ZFHX3: variants seen among roughly 807,000 people sequenced by gnomAD.
ZFHX3 encodes zinc finger homeobox 3, also known as zinc finger homeobox protein 3.
A neutral mutation model predicts 279.1 loss-of-function variants in ZFHX3; 42 were observed. The observed-to-expected ratio is 0.15, with a 90% CI of 0.12 to 0.19. ZFHX3 has a LOEUF of 0.19. ZFHX3 is among the 10% of genes least tolerant of loss of function. The pLI is 1.00. For synonymous variants in ZFHX3, 2,293 were observed against 1,957.8 expected (o/e 1.17, Z -4.52); for missense variants, 4,981 against 4,754.0 (o/e 1.05, Z -1.40).
At chr16:73,415,052 A>G (rs1177019098) in intron 3 of ZFHX3, among the ~76,000 whole-genome samples, 2 of 152,190 alleles carry the variant, frequency 1.3e-5, no homozygotes, top group Non-Finnish European at 2.9e-5. Context: ...GTCTAGCCCA[A>G]TCCAGCATTC....
intron 5 of ZFHX3, among the ~76,000 whole-genome samples, chr16:73,241,932 C>A (rs2013137171): frequency 6.6e-6 from 1 of 152,026 alleles, no homozygotes; most frequent in Non-Finnish European, 1.5e-5. Flanking sequence ...TGAGTGACCC[C>A]TTTGAGAACT....
rs139409870 is a variant in ZFHX3 at position 72,887,931 on chromosome 16, C to T, written c.3448+1800G>A. ...ATCGGGCTGGTGTGTGTGCCGTCTG[C>T]GTGAGTCTGTGGTTGGGGTATGGGT... On this transcript the variant is annotated intron_variant, in intron 4 of 9. Coordinates refer to ENST00000268489, the MANE Select transcript of ZFHX3 (RefSeq NM_006885.4). 1.8e-3 allele frequency among the ~76,000 whole-genome samples: 278 copies of T among 151,944 alleles called. 2 individuals are homozygous for T. The South Asian group carries it at 0.022, about 12-fold the overall frequency.
chr16:73,387,755 AAT>A (rs1314726749), intron 3 of ZFHX3, among the ~76,000 whole-genome samples: 3 of 152,040 alleles, frequency 2.0e-5, no homozygotes, highest in Non-Finnish European at 4.4e-5. Flanking sequence ...ATAGTAATAT[AAT>A]ATATCTTTAT....
At chr16:72,877,438 C>A (rs1230517252) in intron 4 of ZFHX3, among the ~76,000 whole-genome samples, 1 of 152,136 alleles carries the variant, frequency 6.6e-6, no homozygotes, top group East Asian at 1.9e-4. Flanking sequence ...ACATCACGGT[C>A]TTCTGTATGA....
rs576572026 is a variant in ZFHX3 at position 72,784,785 on chromosome 16, C to T, written c.*2379G>A. 2 of 152,306 alleles carry T rather than the reference C, an allele frequency of 1.3e-5. No homozygotes were observed. Among genetic ancestry groups the T allele is most frequent in the African/African-American group, 4.8e-5 (2 of 41,410 alleles). The allele number at this position is 152,306 out of a possible 1,614,324, so 9.4% of individuals were successfully genotyped here. ...TGGTATTCTTTCTTTAGTATTTCTA[C>T]TTAAAAAAAACAATTAAAAAAGGAA... is the stretch of plus-strand genomic sequence containing the variant. On this transcript the variant is annotated 3_prime_UTR_variant, in exon 10 of 10. Transcript: ENST00000268489.
At chr16:73,803,753 C>T (rs1203198854) in intron 1 of ZFHX3, among the ~76,000 whole-genome samples, 1 of 152,086 alleles carries the variant, frequency 6.6e-6, no homozygotes, top group Non-Finnish European at 1.5e-5. Context: ...TTTTTAAAAG[C>T]ACATTTCAGA....
chr16:72,821,369 C>T (rs1038692058), intron 5 of ZFHX3, among the ~76,000 whole-genome samples: 1 of 152,170 alleles, frequency 6.6e-6, no homozygotes, highest in Non-Finnish European at 1.5e-5. Flanking sequence ...TTGTACAGTA[C>T]AGAGAGATAG....
intron 1 of ZFHX3, among the ~76,000 whole-genome samples, chr16:73,791,483 G>A (rs569240486): frequency 7.1e-4 from 108 of 151,930 alleles, no homozygotes; most frequent in Non-Finnish European, 1.1e-3. Flanking sequence ...GGAGTGCAGC[G>A]GCGCCATCTT....
intron 2 of ZFHX3, among the ~76,000 whole-genome samples, chr16:73,653,213 T>C (rs527849363): frequency 1.3e-5 from 2 of 152,248 alleles, no homozygotes; most frequent in East Asian, 1.9e-4. Flanking sequence ...ATAAAGAAGA[T>C]TTAAATAACA....
At chr16:73,599,674 T>C (rs961755943) in intron 2 of ZFHX3, among the ~76,000 whole-genome samples, 23 of 151,744 alleles carry the variant, frequency 1.5e-4, no homozygotes, top group African/African-American at 4.1e-4. Context: ...TGGCAGCTGA[T>C]TGAGAACTAT....
intron 2 of ZFHX3, among the ~76,000 whole-genome samples, chr16:72,956,343 C>T (rs1239846826): frequency 6.6e-6 from 1 of 152,224 alleles, no homozygotes; most frequent in South Asian, 2.1e-4. Context: ...GCCATTGTCA[C>T]TGGTCCCACG....
intron 5 of ZFHX3, among the ~76,000 whole-genome samples, chr16:73,166,027 C>T (rs1273142584): frequency 6.6e-6 from 1 of 152,080 alleles, no homozygotes; most frequent in East Asian, 1.9e-4. Context: ...AACTGAGAAA[C>T]AAGAATACTC....
chr16:72,934,449 C>G (rs1356655429), intron 3 of ZFHX3, among the ~76,000 whole-genome samples: 1 of 152,086 alleles, frequency 6.6e-6, no homozygotes, highest in East Asian at 1.9e-4. Context: ...AGAGTAGTAT[C>G]CACAAGTATG....
At chr16:73,833,255 TG>T (rs1961047977) in intron 1 of ZFHX3, among the ~76,000 whole-genome samples, 1 of 152,090 alleles carries the variant, frequency 6.6e-6, no homozygotes, top group Non-Finnish European at 1.5e-5. Context: ...CTTACCTACT[TG>T]GGAGGCTGAG....
At chr16:72,912,217 G>A (rs2039336863) in intron 3 of ZFHX3, among the ~76,000 whole-genome samples, 1 of 152,212 alleles carries the variant, frequency 6.6e-6, no homozygotes, top group South Asian at 2.1e-4. Flanking sequence ...CTGCTCAGGT[G>A]CCGCTGGGAG....
At chr16:73,601,750 A>G (rs922124379) in intron 2 of ZFHX3, among the ~76,000 whole-genome samples, 1 of 152,198 alleles carries the variant, frequency 6.6e-6, no homozygotes, top group Non-Finnish European at 1.5e-5. Flanking sequence ...GTGAACTTTA[A>G]TATTTTAAAA....
intron 4 of ZFHX3, among the ~76,000 whole-genome samples, chr16:73,287,267 G>C (rs1297188368): frequency 1.2e-4 from 18 of 146,848 alleles, no homozygotes; most frequent in Non-Finnish European, 1.4e-4. Flanking sequence ...GTGTAGGCCA[G>C]TGTGTGGGTG....
At chr16:73,670,343 T>C (rs2052891791) in intron 2 of ZFHX3, among the ~76,000 whole-genome samples, 1 of 151,848 alleles carries the variant, frequency 6.6e-6, no homozygotes, top group Non-Finnish European at 1.5e-5. Flanking sequence ...GGAATAGGAG[T>C]AAAATGGGAT....
At chr16:72,805,215 T>G in intron 7 of ZFHX3, among the ~76,000 whole-genome samples, 1 of 151,894 alleles carries the variant, frequency 6.6e-6, no homozygotes, top group Non-Finnish European at 1.5e-5. Context: ...CTCCTGACCT[T>G]AAGTGATCTG....
Sources: allele counts gnomAD v4.1 joint callset (sites outside exome capture counted in the v4.1 genomes callset), GRCh38; gene constraint gnomAD v4.1.1; transcripts MANE v1.5; gene names NCBI Gene and HGNC (gene_info 2026-07-23, HGNC 2026-07-21).